The following SPHKAP variants were observed in gnomAD, a reference collection of about 807,000 sequenced individuals.
SPHKAP encodes SPHK1 interactor, AKAP domain containing.
In SPHKAP, 67 loss-of-function variants were observed where a neutral mutation model predicts 137.5. That is an observed-to-expected ratio of 0.49 (90% CI 0.40 to 0.60). SPHKAP has a LOEUF of 0.60. Among genes scored for constraint, SPHKAP ranks in the 20% least tolerant of loss-of-function variants. The pLI, the probability that SPHKAP is intolerant of heterozygous loss-of-function variation, is 0.00. For synonymous variants in SPHKAP, 813 were observed against 785.3 expected (o/e 1.04, Z -0.59); for missense variants, 2,097 against 2,069.3 (o/e 1.01, Z -0.26).
At chr2:228,005,496 T>A (rs1035307622) in intron 7 of SPHKAP, among the ~76,000 whole-genome samples, 11 of 152,210 alleles carry the variant, frequency 7.2e-5, no homozygotes, top group African/African-American at 2.7e-4. Context: ...GTCTTGACTC[T>A]TTATCCAATT....
At chr2:228,029,489 A>T (rs757761178) in intron 3 of SPHKAP, among the ~76,000 whole-genome samples, 7 of 152,170 alleles carry the variant, frequency 4.6e-5, no homozygotes, top group Non-Finnish European at 1.0e-4. Context: ...CTTGAAGTGC[A>T]ACCCTAGGAT....
In SPHKAP at chr2:228,098,612, T is replaced by TGGG. The variant is rs556048305; in HGVS notation, c.246+10217_246+10219dup. Among the ~76,000 whole-genome samples the TGGG allele has an allele frequency of 1.4e-4, 21 of 147,198 alleles. No homozygotes were observed. In the South Asian group the frequency reaches 4.5e-3, roughly 32 times the overall value. On this transcript the variant is annotated intron_variant, in intron 3 of 11. Transcript: ENST00000392056. ...GAACATCACACACCAGGGCCTGTTG[T>TGGG]GGGGTGGTGGGGTGGGGGAGGGATA... is the stretch of plus-strand genomic sequence containing the variant.
chr2:228,075,795 C>G (rs2106307539), intron 3 of SPHKAP, among the ~76,000 whole-genome samples: 1 of 152,206 alleles, frequency 6.6e-6, no homozygotes, highest in Admixed American at 6.5e-5. Context: ...GAAAGAAAGC[C>G]TTTACTAAAG....
intron 1 of SPHKAP, among the ~76,000 whole-genome samples, chr2:228,144,612 G>A (rs1699715169): frequency 6.6e-6 from 1 of 151,908 alleles, no homozygotes; most frequent in Non-Finnish European, 1.5e-5. Flanking sequence ...ATTTTAAAAT[G>A]GGTGATATAA....
At chr2:228,158,368 C>T (rs1484789031) in intron 1 of SPHKAP, among the ~76,000 whole-genome samples, 3 of 137,730 alleles carry the variant, frequency 2.2e-5, no homozygotes, top group African/African-American at 5.5e-5. Context: ...GATTTTACCC[C>T]TTACAATAGT....
At chr2:228,113,968 G>T (rs945890550) in intron 2 of SPHKAP, among the ~76,000 whole-genome samples, 1 of 152,032 alleles carries the variant, frequency 6.6e-6, no homozygotes, top group South Asian at 2.1e-4. Flanking sequence ...TTCATGGCTT[G>T]GACAAATCAT....
chr2:228,179,749 T>C (rs1168268691), intron 1 of SPHKAP, among the ~76,000 whole-genome samples: 1 of 152,252 alleles, frequency 6.6e-6, no homozygotes, highest in Non-Finnish European at 1.5e-5. Flanking sequence ...TTGCTCTTTA[T>C]AAGGTCATTT....
At position 228,017,581 on chromosome 2, in the gene SPHKAP, G is replaced by A. The variant is rs759501573; in HGVS notation, c.3273C>T (p.Ser1091=). ...GGCTGTTGACATAGGCCCTGGCCTCGGAGTCTTCCTCAGGAATGCTTTCGC... is the reference window on the plus strand; with the variant it reads ...GGCTGTTGACATAGGCCCTGGCCTCAGAGTCTTCCTCAGGAATGCTTTCGC... ...SSCESIPEED[S]EARAYVNSLG... is the part of the protein sequence containing the mutation. The change falls in exon 7 of 12, where the codon TCC becomes TCT. Residue 1091 remains serine (S), a synonymous_variant. Coordinates refer to ENST00000392056, the MANE Select transcript of SPHKAP (RefSeq NM_001142644.2). 25 of 1,613,674 alleles carry A rather than the reference G, an allele frequency of 1.5e-5. No homozygotes were observed. Among genetic ancestry groups the A allele is most frequent in the South Asian group, 6.6e-5 (6 of 91,080 alleles).
At chr2:228,140,311 C>T (rs1356469273) in intron 1 of SPHKAP, among the ~76,000 whole-genome samples, 1 of 151,526 alleles carries the variant, frequency 6.6e-6, no homozygotes, top group Non-Finnish European at 1.5e-5. Context: ...TCAAAGCACA[C>T]TATGTATATG....
rs1700896220 is a variant in SPHKAP, at chr2:228,181,123, C to A, written c.32+444G>T. On this transcript the variant is annotated intron_variant, in intron 1 of 11. Coordinates refer to ENST00000392056, the MANE Select transcript of SPHKAP (RefSeq NM_001142644.2). This position sits in a 1 kb window ranked among gnomAD's most constrained non-coding sequence, Gnocchi z 4.3. The stretch of plus-strand genomic sequence containing the variant: ...TCTTCCCCACCCCAGCAGCCCCAGA[C>A]ACCCGCCCAGGTCAAGGTGGAAGGA... 6.6e-6 allele frequency among the ~76,000 whole-genome samples: 1 copy of A among 152,128 alleles called. No homozygotes were observed. The highest frequency in any genetic ancestry group is 1.5e-5 in the Non-Finnish European group (1 of 68,028).
chr2:228,054,440 G>A (rs772182369), intron 3 of SPHKAP, among the ~76,000 whole-genome samples: 1 of 152,092 alleles, frequency 6.6e-6, no homozygotes, highest in Non-Finnish European at 1.5e-5. Flanking sequence ...GTGTAGAATG[G>A]TATAGAATAG....
intron 1 of SPHKAP, among the ~76,000 whole-genome samples, chr2:228,152,348 G>A (rs1349156809): frequency 6.6e-6 from 1 of 152,056 alleles, no homozygotes; most frequent in African/African-American, 2.4e-5. Flanking sequence ...ACTTAAAATA[G>A]CATATCTTGC....
At chr2:228,082,007 G>A (rs1697378988) in intron 3 of SPHKAP, among the ~76,000 whole-genome samples, 1 of 152,074 alleles carries the variant, frequency 6.6e-6, no homozygotes, top group Admixed American at 6.5e-5. Context: ...GCTTAATTTA[G>A]CCTTTCCACA....
intron 3 of SPHKAP, among the ~76,000 whole-genome samples, chr2:228,092,837 C>T (rs777951300): frequency 2.6e-5 from 4 of 151,842 alleles, no homozygotes; most frequent in African/African-American, 4.8e-5. Flanking sequence ...TGTTCTCACT[C>T]ATAAGTGGGA....
At chr2:228,131,568 C>T (rs925541539) in intron 2 of SPHKAP, among the ~76,000 whole-genome samples, 1 of 151,644 alleles carries the variant, frequency 6.6e-6, no homozygotes, top group Non-Finnish European at 1.5e-5. Flanking sequence ...GCCCAGCATA[C>T]CCTTTGTTTT....
chr2:228,108,913 C>T lies in SPHKAP; in HGVS notation c.165G>A (p.Glu55=), dbSNP rs754788029. Residue 55 remains glutamate, a synonymous_variant, in exon 3 of 12, where the codon GAG becomes GAA. Transcript: ENST00000392056. ...KKVLRSNSLL[E]STDYWLQNQR... ...GATTCTGCAACCAGTAGTCTGTTGA[C>T]TCCAGCAGGCTATTGCTGCGAAGAA... 2 of 1,605,298 alleles carry T rather than the reference C, an allele frequency of 1.2e-6. No homozygotes were observed. The highest frequency in any genetic ancestry group is 8.5e-7 in the Non-Finnish European group (1 of 1,177,840).
At chr2:228,121,033 A>C (rs1049566236) in intron 2 of SPHKAP, among the ~76,000 whole-genome samples, 4 of 152,246 alleles carry the variant, frequency 2.6e-5, no homozygotes, top group Non-Finnish European at 5.9e-5. Context: ...AAATATAAGA[A>C]GAAACACACA....
At chr2:227,984,882 A>T (rs961736020) in intron 11 of SPHKAP, among the ~76,000 whole-genome samples, 2 of 152,150 alleles carry the variant, frequency 1.3e-5, no homozygotes, top group African/African-American at 2.4e-5. Flanking sequence ...GATTCCACTG[A>T]TGGAAACATG....
chr2:228,157,007 C>G (rs1331763306), intron 1 of SPHKAP, among the ~76,000 whole-genome samples: 1 of 152,092 alleles, frequency 6.6e-6, no homozygotes, highest in East Asian at 1.9e-4. Flanking sequence ...AAGCACAGTG[C>G]AAGGAGCTCA....
Sources: allele counts gnomAD v4.1 joint callset (sites outside exome capture counted in the v4.1 genomes callset), GRCh38; gene constraint gnomAD v4.1.1; non-coding constraint Gnocchi (gnomAD v3.1); transcripts MANE v1.5; gene names NCBI Gene and HGNC (gene_info 2026-07-23, HGNC 2026-07-21).